RAD51B: variants seen among roughly 807,000 people sequenced by gnomAD.
RAD51B encodes DNA repair protein RAD51 homolog 2.
A neutral mutation model predicts 42.2 loss-of-function variants in RAD51B; 38 were observed. The observed-to-expected ratio is 0.90, with a 90% CI of 0.70 to 1.18. The LOEUF is 1.18. Ranked by LOEUF, RAD51B falls within the 50% of genes most tolerant of loss-of-function variation. RAD51B has a pLI of 0.00. For synonymous variants in RAD51B, 154 were observed against 145.2 expected, an observed-to-expected ratio of 1.06 and a Z score of -0.43; for missense variants, 373 against 400.7, an observed-to-expected ratio of 0.93 and a Z score of 0.59.
intron 7 of RAD51B, among the ~76,000 whole-genome samples, chr14:68,271,795 GATA>G (rs1369899391): frequency 2.3e-4 from 35 of 152,300 alleles, no homozygotes; most frequent in African/African-American, 8.4e-4. Flanking sequence ...TGACGATGAT[GATA>G]ATGTTTGAAA....
At chr14:67,896,711 A>G (rs1467014104) in intron 7 of RAD51B, among the ~76,000 whole-genome samples, 1 of 152,156 alleles carries the variant, frequency 6.6e-6, no homozygotes. Context: ...TGAGTTTTTC[A>G]AAGACAAAAT....
chr14:68,654,406 C>T (rs1892766381), intron 11 of RAD51B, among the ~76,000 whole-genome samples: 1 of 152,222 alleles, frequency 6.6e-6, no homozygotes, highest in African/African-American at 2.4e-5. Flanking sequence ...GCTTTTAGAT[C>T]AGGCTCATGG....
chr14:68,184,627 A>C (rs1359842398), intron 7 of RAD51B, among the ~76,000 whole-genome samples: 2 of 148,040 alleles, frequency 1.4e-5, no homozygotes, highest in Non-Finnish European at 3.0e-5. Flanking sequence ...AAAAAAACCA[A>C]AAAAAAAAAC....
At chr14:67,945,904 C>T (rs1445523839) in intron 7 of RAD51B, among the ~76,000 whole-genome samples, 1 of 152,182 alleles carries the variant, frequency 6.6e-6, no homozygotes, top group Non-Finnish European at 1.5e-5. Flanking sequence ...GCACAAATTT[C>T]TCAGTGAGTT....
intron 8 of RAD51B, among the ~76,000 whole-genome samples, chr14:68,322,379 A>G (rs1566807896): frequency 6.6e-6 from 1 of 152,160 alleles, no homozygotes; most frequent in Admixed American, 6.5e-5. Flanking sequence ...TCCCATTCCA[A>G]CTGCCATCCA....
At chr14:68,471,732 A>AC (rs139957345) in intron 10 of RAD51B, among the ~76,000 whole-genome samples, 2,091 of 151,004 alleles carry the variant, frequency 0.014, 50 homozygotes, top group African/African-American at 0.048. Flanking sequence ...AAATGAAAGA[A>AC]CCCCCCTCCT....
At chr14:68,071,979 A>G (rs1595358494) in intron 7 of RAD51B, among the ~76,000 whole-genome samples, 1 of 146,282 alleles carries the variant, frequency 6.8e-6, no homozygotes, top group East Asian at 2.0e-4. Context: ...TTCTGCTTCA[A>G]TCTTGGGATG....
chr14:68,087,963 T>TATA, intron 7 of RAD51B, among the ~76,000 whole-genome samples: 1 of 112,528 alleles, frequency 8.9e-6, no homozygotes, highest in African/African-American at 4.7e-5. Context: ...AATTATATAA[T>TATA]TTATTATTAT....
chr14:68,178,309 G>T (rs1353016742), intron 7 of RAD51B, among the ~76,000 whole-genome samples: 1 of 152,096 alleles, frequency 6.6e-6, no homozygotes, highest in Non-Finnish European at 1.5e-5. Context: ...ACTTAATATT[G>T]TTTGATATGA....
chr14:68,517,151 T>C (rs982427449), intron 10 of RAD51B, among the ~76,000 whole-genome samples: 36 of 151,864 alleles, frequency 2.4e-4, no homozygotes, highest in African/African-American at 8.7e-4. Flanking sequence ...CAGATGACCA[T>C]CATACTTCAG....
chr14:68,054,883 C>T (rs927727832), intron 7 of RAD51B, among the ~76,000 whole-genome samples: 1 of 152,106 alleles, frequency 6.6e-6, no homozygotes, highest in African/African-American at 2.4e-5. Flanking sequence ...ACTATGGGAT[C>T]TGACACTATC....
intron 7 of RAD51B, among the ~76,000 whole-genome samples, chr14:68,109,154 A>G (rs1301418278): frequency 6.6e-6 from 1 of 152,108 alleles, no homozygotes; most frequent in Non-Finnish European, 1.5e-5. Context: ...GATTTGATTT[A>G]GAAACTGCTT....
Position 68,527,266 on chromosome 14 carries a change from T to TG in RAD51B, c.1036+59016_1036+59017insG, listed in dbSNP as rs146749271. 7.3e-3 allele frequency among the ~76,000 whole-genome samples: 1,109 copies of TG among 152,362 alleles called. 10 individuals carry two copies. Among genetic ancestry groups the TG allele is most frequent in the African/African-American group, 0.026 (1,081 of 41,584 alleles). On this transcript the variant is annotated intron_variant, in intron 10 of 10. Transcript: ENST00000487270. ...GAAAGAGGTTTGAATTACAGTATTT[T>TG]TCAAAGTAAAAGCCATCTGAACAGC...
chr14:68,015,875 T>C (rs2075770980), intron 7 of RAD51B, among the ~76,000 whole-genome samples: 1 of 152,274 alleles, frequency 6.6e-6, no homozygotes, highest in African/African-American at 2.4e-5. Context: ...CATTTATAAA[T>C]GCCTTACCTT....
At chr14:67,949,783 T>C (rs2074408932) in intron 7 of RAD51B, among the ~76,000 whole-genome samples, 1 of 152,210 alleles carries the variant, frequency 6.6e-6, no homozygotes, top group South Asian at 2.1e-4. Flanking sequence ...CCTTGATCCA[T>C]GGGCTGCAGA....
At chr14:67,983,885 T>C (rs1241502076) in intron 7 of RAD51B, among the ~76,000 whole-genome samples, 1 of 151,964 alleles carries the variant, frequency 6.6e-6, no homozygotes, top group African/African-American at 2.4e-5. Context: ...CCGAGGTCTA[T>C]AGTTATATAA....
chr14:68,147,476 A>C (rs1375236582), intron 7 of RAD51B, among the ~76,000 whole-genome samples: 2 of 152,126 alleles, frequency 1.3e-5, no homozygotes, highest in East Asian at 3.9e-4. Context: ...CTCTTCATGG[A>C]CCTAATAATT....
rs916434237 is a variant in RAD51B at position 68,204,573 on chromosome 14, C to A, written c.757-87311C>A. On this transcript the variant is annotated intron_variant, in intron 7 of 10. Coordinates refer to ENST00000471583, the MANE Select transcript of RAD51B (RefSeq NM_133510.4). ...ATGGCACTAATAGACTTGTTTGATG[C>A]AGAGTTGCCACAACCTTCAATTTGT... 3.3e-5 allele frequency among the ~76,000 whole-genome samples: 5 copies of A among 152,136 alleles called. No homozygotes were observed. The East Asian group carries it at 9.6e-4, about 29-fold the overall frequency.
chr14:68,618,426 T>A (rs777639423), intron 10 of RAD51B, among the ~76,000 whole-genome samples: 25 of 152,202 alleles, frequency 1.6e-4, no homozygotes, highest in Non-Finnish European at 2.9e-4. Context: ...GGAGGCCCTC[T>A]CCTTACAGGT....
Sources: gnomAD v4.1 joint callset for allele counts (sites outside exome capture counted in the v4.1 genomes callset) on GRCh38, gnomAD v4.1.1 for gene constraint, MANE v1.5 for transcripts, NCBI Gene and HGNC (gene_info 2026-07-23, HGNC 2026-07-21) for gene names.